The following SIMC1 variants were observed in gnomAD, a reference collection of about 807,000 sequenced individuals.
SIMC1 encodes SUMO interacting motifs containing 1, also known as SUMO-interacting motif-containing protein 1.
A neutral mutation model predicts 82.3 loss-of-function variants in SIMC1; 55 were observed. The ratio of observed to expected loss-of-function variants is 0.67; its 90% CI spans 0.54 to 0.84. The LOEUF is 0.84. Ranked by LOEUF, SIMC1 falls within the 40% of genes least tolerant of loss-of-function variation. SIMC1 has a pLI of 0.00. For synonymous variants in SIMC1, 353 were observed against 426.3 expected (o/e 0.83, Z 2.12); for missense variants, 915 against 1,107.2 (o/e 0.83, Z 2.46).
intron 1 of SIMC1, among the ~76,000 whole-genome samples, chr5:176,257,788 A>T (rs1166120334): frequency 5.9e-5 from 9 of 152,138 alleles, no homozygotes; most frequent in Non-Finnish European, 1.5e-5. Context: ...CGAAGACTGC[A>T]TTAGATTGTT....
intron 1 of SIMC1, among the ~76,000 whole-genome samples, chr5:176,256,419 C>G (rs921794509): frequency 1.3e-5 from 2 of 152,082 alleles, no homozygotes; most frequent in African/African-American, 4.8e-5. Flanking sequence ...TAAATTCATC[C>G]TTCGCAAACT....
intron 4 of SIMC1, among the ~76,000 whole-genome samples, chr5:176,299,390 T>C (rs955639138): frequency 1.4e-5 from 2 of 143,746 alleles, no homozygotes; most frequent in African/African-American, 5.1e-5. Flanking sequence ...AGACCCTGTC[T>C]CTAAAAAAAA....
At chr5:176,297,721 TAA>T (rs1450700756) in intron 4 of SIMC1, among the ~76,000 whole-genome samples, 1 of 152,174 alleles carries the variant, frequency 6.6e-6, no homozygotes, top group East Asian at 1.9e-4. Context: ...AACTATCAGT[TAA>T]GTGTGAGGAT....
rs924869532 is a variant in SIMC1, at chr5:176,252,217, GC to G, written c.129+13588del. 6.5e-3 allele frequency among the ~76,000 whole-genome samples: 343 copies of G among 52,980 alleles called. 2 individuals carry two copies. Among genetic ancestry groups the G allele is most frequent in the Non-Finnish European group, 0.01 (244 of 24,316 alleles). 34.8% of individuals were successfully genotyped at this position (52,980 alleles called of 152,430 possible). ...CGGCTGGCCGGGCGGGGGGCTGACC[GC>G]CCCCCCCACCTCCCTCCCGGACGGG... On this transcript the variant is annotated intron_variant, in intron 1 of 9. Transcript: ENST00000429602.
At chr5:176,340,297 C>A (rs1766079837) in intron 9 of SIMC1, among the ~76,000 whole-genome samples, 1 of 152,104 alleles carries the variant, frequency 6.6e-6, no homozygotes, top group African/African-American at 2.4e-5. Context: ...GTTCTTTGGC[C>A]GAGAGAATCA....
At chr5:176,260,307 G>A (rs914678836) in intron 1 of SIMC1, among the ~76,000 whole-genome samples, 5 of 152,212 alleles carry the variant, frequency 3.3e-5, no homozygotes, top group African/African-American at 1.2e-4. Context: ...GGCGACTCGG[G>A]GAAGGGGTGA....
intron 1 of SIMC1, among the ~76,000 whole-genome samples, chr5:176,246,573 G>A (rs1379533259): frequency 1.3e-5 from 2 of 151,824 alleles, no homozygotes; most frequent in African/African-American, 4.8e-5. Context: ...GAGTAGCTGG[G>A]ATTACAGGCA....
chr5:176,316,711 G>A (rs1238911039), intron 5 of SIMC1, among the ~76,000 whole-genome samples: 1 of 149,184 alleles, frequency 6.7e-6, no homozygotes, highest in African/African-American at 2.5e-5. Flanking sequence ...AAGGCATTTT[G>A]GGCTGCACAT....
At chr5:176,335,799 T>C (rs959847783) in intron 7 of SIMC1, among the ~76,000 whole-genome samples, 1 of 152,008 alleles carries the variant, frequency 6.6e-6, no homozygotes, top group African/African-American at 2.4e-5. Flanking sequence ...TCCCAACACT[T>C]TGGGAGGCCA....
intron 7 of SIMC1, among the ~76,000 whole-genome samples, chr5:176,326,490 C>T (rs1438448058): frequency 1.3e-5 from 2 of 152,056 alleles, no homozygotes; most frequent in Non-Finnish European, 2.9e-5. Context: ...GCCTCAGCCT[C>T]CCGAAGTTCT....
rs1288842955 is a variant in SIMC1 at position 176,290,951 on chromosome 5, G to A, written c.1427G>A (p.Arg476Lys). 9 of 1,576,062 alleles carry A rather than the reference G, an allele frequency of 5.7e-6. No homozygotes were observed. The Middle Eastern group carries it at 5.1e-4, about 89-fold the overall frequency. Residue 476 changes from arginine (R) to lysine (K), a missense_variant, in exon 2 of 10, where the codon AGA (arginine) becomes AAA (lysine). Around this residue, in one of 2 missense-constraint regions of SIMC1, gnomAD observed 902 missense variants for 1,040.3 expected, o/e 0.87. Transcript: ENST00000429602. ...FQTLIPDKDT[R>K]ENKGQKLEPI... is the part of the protein sequence containing the mutation. ...ACGCTAATACCGGATAAAGACACAAGAGAGGTGAGCTAACATCTTCCCTCA... is the reference window on the plus strand; with the variant it reads ...ACGCTAATACCGGATAAAGACACAAAAGAGGTGAGCTAACATCTTCCCTCA...
chr5:176,293,058 C>G (rs1348225153), intron 2 of SIMC1, among the ~76,000 whole-genome samples: 2 of 152,116 alleles, frequency 1.3e-5, no homozygotes, highest in African/African-American at 4.8e-5. Context: ...AATGCTTACC[C>G]TCCAAATCTG....
intron 4 of SIMC1, chr5:176,308,917 G>A: frequency 3.9e-6 from 5 of 1,289,796 alleles, no homozygotes; most frequent in South Asian, 2.4e-5. Flanking sequence ...CTCTTCTACA[G>A]TGGTTGGAGG....
chr5:176,313,332 G>C, intron 4 of SIMC1: 4 of 1,477,732 alleles, frequency 2.7e-6, no homozygotes, highest in Non-Finnish European at 3.6e-6. Context: ...GACTTCCCAT[G>C]GCTGCCTCTT....
At chr5:176,324,122 G>A (rs1265360408) in intron 6 of SIMC1, among the ~76,000 whole-genome samples, 1 of 152,134 alleles carries the variant, frequency 6.6e-6, no homozygotes, top group African/African-American at 2.4e-5. Flanking sequence ...GATCTAATGG[G>A]AGAGAAGGTC....
chr5:176,323,323 A>T (rs1284164474), intron 6 of SIMC1, among the ~76,000 whole-genome samples: 1 of 152,196 alleles, frequency 6.6e-6, no homozygotes, highest in Non-Finnish European at 1.5e-5. Flanking sequence ...TGTTCCTTCA[A>T]TGGAAGCTAG....
Position 176,315,699 on chromosome 5 carries a change from A to C in SIMC1, c.1889+1854A>C, listed in dbSNP as rs148881700. The stretch of plus-strand genomic sequence containing the variant: ...GACTACGATAAATCCTCTAATAACA[A>C]GGAGGACGTTTCGTTATGTTTTGGG... On this transcript the variant is annotated intron_variant, in intron 5 of 9. Coordinates refer to ENST00000429602, the MANE Select transcript of SIMC1 (RefSeq NM_001308195.2). 1.3e-3 allele frequency among the ~76,000 whole-genome samples: 195 copies of C among 152,306 alleles called. 1 individual carries two copies. The highest frequency in any genetic ancestry group is 4.5e-3 in the African/African-American group (189 of 41,574).
intron 5 of SIMC1, among the ~76,000 whole-genome samples, chr5:176,314,208 A>G (rs1764801364): frequency 6.6e-6 from 1 of 152,212 alleles, no homozygotes; most frequent in Admixed American, 6.5e-5. Context: ...CAGAGGTTGC[A>G]GTGAGCCGAG....
chr5:176,266,658 G>A (rs1762223716), intron 1 of SIMC1, among the ~76,000 whole-genome samples: 3 of 107,142 alleles, frequency 2.8e-5, no homozygotes, highest in Admixed American at 1.0e-4. Flanking sequence ...CTCAAGGAGG[G>A]GGAAAGGGCA....
Sources: gnomAD v4.1 joint callset for allele counts (sites outside exome capture counted in the v4.1 genomes callset) on GRCh38, gnomAD v4.1.1 for gene constraint, gnomAD v4.1.1 regional missense constraint, MANE v1.5 for transcripts, NCBI Gene and HGNC (gene_info 2026-07-23, HGNC 2026-07-21) for gene names.